Variants in MAP4K5 observed in about 807,000 individuals in gnomAD.
MAP4K5 encodes mitogen-activated protein kinase kinase kinase kinase 5.
Under a neutral mutation model 135.6 loss-of-function variants are expected in MAP4K5, and 82 were observed. The ratio of observed to expected loss-of-function variants is 0.60; its 90% CI spans 0.51 to 0.73. The LOEUF is 0.73. Among genes scored for constraint, MAP4K5 ranks in the 30% least tolerant of loss-of-function variants. The pLI, the probability that MAP4K5 is intolerant of heterozygous loss-of-function variation, is 0.00. For synonymous variants in MAP4K5, 347 were observed against 335.0 expected, an observed-to-expected ratio of 1.04 and a Z score of -0.39; for missense variants, 907 against 1,010.9, an observed-to-expected ratio of 0.90 and a Z score of 1.39.
intron 1 of MAP4K5, chr14:50,560,555 C>A (rs537922816): frequency 9.0e-5 from 48 of 533,726 alleles, no homozygotes; most frequent in South Asian, 5.3e-4. Flanking sequence ...TCCCCACCCC[C>A]CTCCCGCCTC....
chr14:50,510,430 A>G (rs2140043619), intron 2 of MAP4K5, among the ~76,000 whole-genome samples: 1 of 152,268 alleles, frequency 6.6e-6, no homozygotes, highest in African/African-American at 2.4e-5. Context: ...TGGTATCCTA[A>G]GGCTGGATTA....
upstream of MAP4K5, among the ~76,000 whole-genome samples, chr14:50,534,931 T>G (rs1418090842): frequency 1.3e-5 from 2 of 152,242 alleles, no homozygotes; most frequent in African/African-American, 4.8e-5. Context: ...AAGCAAACAA[T>G]TTCAAGGTTG....
Position 50,532,061 on chromosome 14 carries a change from G to C in MAP4K5, c.-12C>G, listed in dbSNP as rs1434775679. On this transcript the variant is annotated 5_prime_UTR_variant, in exon 2 of 33. Transcript: ENST00000682126. The stretch of plus-strand genomic sequence containing the variant: ...AGCGGGGCCTCCATCTTCACTTAGG[G>C]CCCGGCCCCCGCCAGCTCACCCCGC... The C allele has an allele frequency of 2.0e-6, 3 of 1,517,220 alleles. No homozygotes were observed. Among genetic ancestry groups the C allele is most frequent in the Admixed American group, 1.9e-5 (1 of 51,872 alleles). The allele number at this position is 1,517,220 out of a possible 1,614,324, so 94.0% of individuals were successfully genotyped here. A position where few individuals can be genotyped will look rare whatever the true frequency, so the allele number is the denominator to read the frequency against.
At chr14:50,427,020 ATG>A (rs1215003548) in intron 30 of MAP4K5, among the ~76,000 whole-genome samples, 1 of 152,188 alleles carries the variant, frequency 6.6e-6, no homozygotes, top group Non-Finnish European at 1.5e-5. Flanking sequence ...GACAAATCAC[ATG>A]TGTTTCACTA....
intron 2 of MAP4K5, among the ~76,000 whole-genome samples, chr14:50,541,851 C>CA (rs1471438091): frequency 4.0e-5 from 6 of 151,122 alleles, no homozygotes; most frequent in Admixed American, 4.0e-4. Flanking sequence ...TCTAAAAATA[C>CA]AAAAAATTAG....
At chr14:50,463,964 T>C in intron 12 of MAP4K5, 88 bp downstream of exon 12, 2 of 687,526 alleles carry the variant, frequency 2.9e-6, no homozygotes, top group Non-Finnish European at 4.6e-6. Context: ...TCACTAACAT[T>C]TTTATCTTAA....
chr14:50,475,105 G>A lies in MAP4K5; in HGVS notation c.514C>T (p.Arg172Ter), dbSNP rs1298025925. Reference protein sequence around the residue: ...AAKITATIAKRKSFIGTPYWM... With the variant: ...AAKITATIAK ...TAAGGGGTGCCAATGAAAGATTTTC[G>A]TTTTGCAATGGTAGCTGTTATTTTT... Residue 172 changes from arginine to a stop codon, truncating the protein, a stop_gained, in exon 9 of 33, where the codon CGA (arginine) becomes TGA (stop). Transcript: ENST00000682126. LOFTEE classifies it high-confidence loss of function. The A allele has an allele frequency of 3.7e-6, 6 of 1,613,632 alleles. No individual in the cohort carries two copies. Among genetic ancestry groups the A allele is most frequent in the African/African-American group, 2.7e-5 (2 of 74,910 alleles).
chr14:50,466,081 A>G (rs928050546), intron 11 of MAP4K5, among the ~76,000 whole-genome samples: 5 of 152,138 alleles, frequency 3.3e-5, no homozygotes, highest in Non-Finnish European at 5.9e-5. Context: ...TCCACAAAAA[A>G]GAAAGAAACA....
chr14:50,532,219 G>T, intron 1 of MAP4K5, 61 bp from the exon 2 acceptor site: 1 of 560,262 alleles, frequency 1.8e-6, no homozygotes, highest in Non-Finnish European at 3.1e-6. Context: ...AGCGGCCCGC[G>T]CCCTCGCGGC....
chr14:50,532,256 G>A, intron 1 of MAP4K5, 98 bp from the exon 2 acceptor site: 2 of 509,124 alleles, frequency 3.9e-6, no homozygotes, highest in Non-Finnish European at 6.9e-6. Context: ...CGTCCCGCCA[G>A]GGGCCGTGGA....
Position 50,442,833 on chromosome 14 carries a change from G to T in MAP4K5, c.1480-17C>A, listed in dbSNP as rs375889618. The T allele has an allele frequency of 1.4e-6, 2 of 1,441,140 alleles. No individual in the cohort carries two copies. The highest frequency in any genetic ancestry group is 4.6e-5 in the East Asian group (2 of 43,298). 89.3% of individuals were successfully genotyped at this position (1,441,140 alleles called of 1,614,324 possible). A position where few individuals can be genotyped will look rare whatever the true frequency, so the allele number is the denominator to read the frequency against. On this transcript the variant is annotated splice_polypyrimidine_tract_variant and intron_variant, in intron 20 of 32. Coordinates refer to ENST00000682126, the MANE Select transcript of MAP4K5 (RefSeq NM_006575.6). ...TGCTCCCATCTTATTTATAAAGAAAGAAATGTTAACTTATTTGATTAGAAA... is the reference window on the plus strand; with the variant it reads ...TGCTCCCATCTTATTTATAAAGAAATAAATGTTAACTTATTTGATTAGAAA...
intron 30 of MAP4K5, among the ~76,000 whole-genome samples, chr14:50,428,402 C>A: frequency 6.6e-6 from 1 of 151,840 alleles, no homozygotes; most frequent in East Asian, 1.9e-4. Flanking sequence ...ATTACAGGCA[C>A]CCGCCAGCAT....
intron 26 of MAP4K5, among the ~76,000 whole-genome samples, chr14:50,435,518 C>T (rs969969289): frequency 2.6e-5 from 4 of 151,864 alleles, no homozygotes; most frequent in Admixed American, 2.6e-4. Context: ...GTGTATGCCA[C>T]CATGCCCAGC....
chr14:50,475,071 T>C lies in MAP4K5; in HGVS notation c.542+6A>G. ...TGGATCAAATTCAATCACAGTAATGTCTTACCAGTAAGGGGTGCCAATGAA... is the reference window on the plus strand; with the variant it reads ...TGGATCAAATTCAATCACAGTAATGCCTTACCAGTAAGGGGTGCCAATGAA... On this transcript the variant is annotated splice_donor_region_variant and intron_variant, in intron 9 of 32. Transcript: ENST00000682126. The C allele has an allele frequency of 1.2e-5, 19 of 1,609,830 alleles. No homozygotes were observed. The highest frequency in any genetic ancestry group is 1.6e-5 in the Non-Finnish European group (19 of 1,176,170).
At chr14:50,560,232 A>T (rs2038818923) in intron 1 of MAP4K5, 1 of 1,612,976 alleles carries the variant, frequency 6.2e-7, no homozygotes, top group African/African-American at 1.3e-5. Context: ...GAGCGCAGTG[A>T]CAGCGCCTCA....
chr14:50,441,797 C>T lies in MAP4K5; in HGVS notation c.1564+935G>A, dbSNP rs867629308. Among the ~76,000 whole-genome samples, 574 of 132,476 alleles carry T rather than the reference C, an allele frequency of 4.3e-3. 8 individuals carry two copies. The highest frequency in any genetic ancestry group is 0.014 in the African/African-American group (468 of 32,444). The allele number at this position is 132,476 out of a possible 152,430, so 86.9% of individuals were successfully genotyped here. A position where few individuals can be genotyped will look rare whatever the true frequency, so the allele number is the denominator to read the frequency against. On this transcript the variant is annotated intron_variant, in intron 21 of 32. Coordinates refer to ENST00000682126, the MANE Select transcript of MAP4K5 (RefSeq NM_006575.6). ...ACACACACACACACACACACACACACATATATATACCCCCTCTGTCATACT... is the reference window on the plus strand; with the variant it reads ...ACACACACACACACACACACACACATATATATATACCCCCTCTGTCATACT...
chr14:50,482,627 A>C, intron 5 of MAP4K5: 3 of 369,932 alleles, frequency 8.1e-6, no homozygotes, highest in Non-Finnish European at 4.9e-6. Context: ...AAATACAAAA[A>C]TTGGCTGGGC....
chr14:50,460,354 C>T (rs1427516891), intron 13 of MAP4K5, among the ~76,000 whole-genome samples: 4 of 152,084 alleles, frequency 2.6e-5, no homozygotes, highest in South Asian at 2.1e-4. Flanking sequence ...TTTTGCATTT[C>T]GAGAACTGAA....
Position 50,437,551 on chromosome 14 carries a change from A to C in MAP4K5, c.1824-17T>G. 1 of 1,546,498 alleles carries C rather than the reference A, an allele frequency of 6.5e-7. No individual in the cohort carries two copies. The highest frequency in any genetic ancestry group is 8.8e-7 in the Non-Finnish European group (1 of 1,132,656). Reference sequence around the variant, plus strand: ...GCGAATTTTCTGAAAACGTAAGACGATATAAATGCACTCTACAGTAGTGGT... The same window carrying C: ...GCGAATTTTCTGAAAACGTAAGACGCTATAAATGCACTCTACAGTAGTGGT... On this transcript the variant is annotated splice_polypyrimidine_tract_variant and intron_variant, in intron 25 of 32. Transcript: ENST00000682126.
Sources: allele counts gnomAD v4.1 joint callset (sites outside exome capture counted in the v4.1 genomes callset), GRCh38; gene constraint gnomAD v4.1.1; transcripts MANE v1.5; gene names NCBI Gene and HGNC (gene_info 2026-07-23, HGNC 2026-07-21).